EXOC4: variants seen among roughly 807,000 people sequenced by gnomAD.
EXOC4 encodes SEC8-like 1.
EXOC4 carries 71 observed loss-of-function variants against 107.2 expected under a neutral mutation model. The observed-to-expected ratio is 0.66, with a 90% CI of 0.55 to 0.81. The LOEUF (loss-of-function observed/expected upper bound fraction) is 0.81, where lower values mean the gene tolerates loss of function less well. EXOC4 is among the 30% of genes least tolerant of loss of function. The pLI, the probability that EXOC4 is intolerant of heterozygous loss-of-function variation, is 0.00. For synonymous variants in EXOC4, 456 were observed against 441.2 expected, an observed-to-expected ratio of 1.03 and a Z score of -0.42; for missense variants, 1,108 against 1,189.6, an observed-to-expected ratio of 0.93 and a Z score of 1.01.
chr7:133,345,721 C>T (rs367639362), intron 5 of EXOC4, among the ~76,000 whole-genome samples: 4 of 152,166 alleles, frequency 2.6e-5, no homozygotes, highest in South Asian at 2.1e-4. Flanking sequence ...CTTTCACGTA[C>T]GGGAGGACCC....
intron 10 of EXOC4, among the ~76,000 whole-genome samples, chr7:133,811,046 G>T (rs1797216730): frequency 6.6e-6 from 1 of 151,972 alleles, no homozygotes. Flanking sequence ...ATCTGAATAA[G>T]GGTCCTCAAA....
intron 10 of EXOC4, among the ~76,000 whole-genome samples, chr7:133,652,083 G>A (rs907714577): frequency 5.9e-5 from 9 of 152,150 alleles, no homozygotes; most frequent in South Asian, 2.1e-4. Flanking sequence ...CAAGTAATTC[G>A]GCTGTGATGT....
intron 9 of EXOC4, among the ~76,000 whole-genome samples, chr7:133,617,821 G>T (rs747126202): frequency 6.6e-6 from 1 of 152,146 alleles, no homozygotes; most frequent in Non-Finnish European, 1.5e-5. Flanking sequence ...GTAGTGTGAG[G>T]AAAGTTTAAA....
intron 3 of EXOC4, among the ~76,000 whole-genome samples, chr7:133,296,857 A>C (rs556972282): frequency 6.6e-6 from 1 of 152,250 alleles, no homozygotes; most frequent in South Asian, 2.1e-4. Context: ...GGGATCTTGC[A>C]AGAATTCTAA....
chr7:133,541,898 AG>A (rs1340383827), intron 9 of EXOC4, among the ~76,000 whole-genome samples: 3 of 151,944 alleles, frequency 2.0e-5, no homozygotes, highest in African/African-American at 7.3e-5. Flanking sequence ...GTCATGAGTG[AG>A]GGGTGGGTGT....
the EXOC4 span, among the ~76,000 whole-genome samples, chr7:134,076,593 G>C: frequency 6.6e-6 from 1 of 151,624 alleles, no homozygotes; most frequent in Non-Finnish European, 1.5e-5. Context: ...CAGAGAAATA[G>C]AACCAATAGC....
intron 10 of EXOC4, among the ~76,000 whole-genome samples, chr7:133,762,151 G>C (rs1436505727): frequency 6.6e-6 from 1 of 152,088 alleles, no homozygotes; most frequent in East Asian, 1.9e-4. Context: ...TTCTTTTCAT[G>C]TATGTATGTC....
chr7:133,981,820 A>G (rs544255008), intron 14 of EXOC4, among the ~76,000 whole-genome samples: 8 of 152,332 alleles, frequency 5.3e-5, no homozygotes, highest in African/African-American at 1.7e-4. Context: ...TGACTGCAGC[A>G]CTGTTCACAA....
At chr7:133,746,095 G>T (rs1211507252) in intron 10 of EXOC4, among the ~76,000 whole-genome samples, 6 of 152,006 alleles carry the variant, frequency 3.9e-5, no homozygotes, top group African/African-American at 1.4e-4. Context: ...CAAAGAAGAA[G>T]AAAAAATTTC....
chr7:133,542,625 G>C (rs1800402265), intron 9 of EXOC4, among the ~76,000 whole-genome samples: 1 of 152,186 alleles, frequency 6.6e-6, no homozygotes, highest in East Asian at 1.9e-4. Flanking sequence ...GGGTAGCCTT[G>C]GGGGAGAATA....
intron 9 of EXOC4, among the ~76,000 whole-genome samples, chr7:133,613,439 G>A (rs1032395184): frequency 6.6e-6 from 1 of 152,150 alleles, no homozygotes; most frequent in Non-Finnish European, 1.5e-5. Context: ...CATCTCTCCA[G>A]TAAATTTCAT....
At chr7:133,349,055 T>C (rs373430872) in intron 5 of EXOC4, among the ~76,000 whole-genome samples, 3 of 152,166 alleles carry the variant, frequency 2.0e-5, no homozygotes, top group African/African-American at 4.8e-5. Flanking sequence ...AGAGGACTTA[T>C]TCTTATAAGA....
chr7:133,896,229 G>A (rs568051126), intron 12 of EXOC4, among the ~76,000 whole-genome samples: 10 of 152,220 alleles, frequency 6.6e-5, no homozygotes, highest in Admixed American at 6.5e-4. Flanking sequence ...CCATTGTTAT[G>A]AACTTGAAAA....
At chr7:133,850,587 T>C (rs542537347) in intron 11 of EXOC4, among the ~76,000 whole-genome samples, 6 of 152,088 alleles carry the variant, frequency 3.9e-5, no homozygotes, top group East Asian at 3.9e-4. Context: ...AACAGTCTTA[T>C]AGAATCATAC....
intron 10 of EXOC4, among the ~76,000 whole-genome samples, chr7:133,776,656 A>G (rs1562992623): frequency 1.3e-5 from 2 of 152,194 alleles, no homozygotes; most frequent in Non-Finnish European, 2.9e-5. Context: ...CTCTTAAATC[A>G]TCAACATATT....
At chr7:133,755,880 T>A (rs554745056) in intron 10 of EXOC4, among the ~76,000 whole-genome samples, 1 of 152,248 alleles carries the variant, frequency 6.6e-6, no homozygotes, top group African/African-American at 2.4e-5. Context: ...TGCTTTTCCT[T>A]CTCTCTGTTA....
chr7:133,552,275 G>A (rs1800604920), intron 9 of EXOC4, among the ~76,000 whole-genome samples: 1 of 152,228 alleles, frequency 6.6e-6, no homozygotes, highest in South Asian at 2.1e-4. Flanking sequence ...ATTGGTTTAT[G>A]TGTCAGCTAG....
chr7:133,329,981 C>T (rs961775904), intron 5 of EXOC4, among the ~76,000 whole-genome samples: 3 of 152,254 alleles, frequency 2.0e-5, no homozygotes, highest in Non-Finnish European at 2.9e-5. Flanking sequence ...TCTTCAGAGC[C>T]GTCAGGCAGG....
the EXOC4 span, among the ~76,000 whole-genome samples, chr7:134,073,193 G>GAGAC: frequency 1.1e-5 from 1 of 94,858 alleles, no homozygotes; most frequent in South Asian, 3.9e-4. Flanking sequence ...GCAACAGAGA[G>GAGAC]AGACTTCCTC....
Sources: gnomAD v4.1 joint callset for allele counts (sites outside exome capture counted in the v4.1 genomes callset) on GRCh38, gnomAD v4.1.1 for gene constraint, MANE v1.5 for transcripts, NCBI Gene and HGNC (gene_info 2026-07-23, HGNC 2026-07-21) for gene names.